CD247: variants seen among roughly 807,000 people sequenced by gnomAD.
CD247 encodes CD247 molecule, also known as T-cell surface glycoprotein CD3 zeta chain.
A neutral mutation model predicts 30.0 loss-of-function variants in CD247; 13 were observed. That is an observed-to-expected ratio of 0.43 (90% CI 0.28 to 0.69). CD247 has a LOEUF of 0.69. Among genes scored for constraint, CD247 ranks in the 30% least tolerant of loss-of-function variants. CD247 has a pLI of 0.16. For missense variants in CD247, 193 were observed against 212.6 expected (o/e 0.91, Z 0.57); for synonymous variants, 72 against 80.0 (o/e 0.90, Z 0.53).
At chr1:167,461,875 G>A (rs781197499) in intron 1 of CD247, among the ~76,000 whole-genome samples, 5 of 152,114 alleles carry the variant, frequency 3.3e-5, no homozygotes, top group African/African-American at 4.8e-5. Flanking sequence ...CATTTTTGAT[G>A]CCTTGTATTA....
In CD247 at chr1:167,431,654, C is replaced by A. The variant is rs1211477165; in HGVS notation, c.*27G>T. ...ATAATCTGGGCGTCTGCAGGTCTGG[C>A]CTTTGAGTGGTGAAATCCCCTGGCT... On this transcript the variant is annotated 3_prime_UTR_variant, in exon 8 of 8. Coordinates refer to ENST00000362089, the MANE Select transcript of CD247 (RefSeq NM_198053.3). 6.2e-7 allele frequency: 1 copy of A among 1,600,424 alleles called. No individual in the cohort carries two copies.
chr1:167,483,015 T>TCTTTCTTTCTTTCTTTCTTTCTTTC (rs201265842), intron 1 of CD247, among the ~76,000 whole-genome samples: 232 of 139,590 alleles, frequency 1.7e-3, no homozygotes, highest in South Asian at 2.7e-3. Flanking sequence ...TTTCTTTCTT[T>TCTTTCTTTCTTTCTTTCTTTCTTTC]TTTTTTTTTT....
chr1:167,466,211 T>C (rs7531148), intron 1 of CD247, among the ~76,000 whole-genome samples: 5,050 of 152,250 alleles, frequency 0.033, 288 homozygotes, highest in African/African-American at 0.12. Context: ...ATCTCAGTAT[T>C]ACTACCAATC....
intron 2 of CD247, chr1:167,440,037 C>G (rs1346093770): frequency 1.2e-5 from 2 of 165,134 alleles, no homozygotes; most frequent in Admixed American, 1.1e-4. Context: ...TCTAGGGCAG[C>G]ATTTTCAAAC....
At chr1:167,442,660 C>A (rs1215882885) in intron 1 of CD247, among the ~76,000 whole-genome samples, 2 of 152,148 alleles carry the variant, frequency 1.3e-5, no homozygotes, top group Non-Finnish European at 2.9e-5. Flanking sequence ...TCCATGCCAG[C>A]AACGTTTTGG....
intron 1 of CD247, among the ~76,000 whole-genome samples, chr1:167,516,373 G>C (rs1396321655): frequency 6.6e-6 from 1 of 152,230 alleles, no homozygotes; most frequent in African/African-American, 2.4e-5. Context: ...GGACAGACCA[G>C]GTCATCATTT....
At chr1:167,467,794 C>G (rs1384952671) in intron 1 of CD247, among the ~76,000 whole-genome samples, 1 of 152,202 alleles carries the variant, frequency 6.6e-6, no homozygotes, top group Non-Finnish European at 1.5e-5. Context: ...GGGCCTCCGT[C>G]TGGTCGGTTT....
At chr1:167,468,090 T>G (rs1653342367) in intron 1 of CD247, among the ~76,000 whole-genome samples, 1 of 152,152 alleles carries the variant, frequency 6.6e-6, no homozygotes, top group South Asian at 2.1e-4. Flanking sequence ...GACATATAAA[T>G]GCACATACAC....
chr1:167,454,405 CAAAT>C (rs1381127435), intron 1 of CD247, among the ~76,000 whole-genome samples: 2 of 152,142 alleles, frequency 1.3e-5, no homozygotes, highest in African/African-American at 4.8e-5. Flanking sequence ...AAAACAAAAA[CAAAT>C]AACATGAACC....
chr1:167,511,590 A>C (rs574793482), intron 1 of CD247, among the ~76,000 whole-genome samples: 1 of 152,356 alleles, frequency 6.6e-6, no homozygotes, highest in South Asian at 2.1e-4. Context: ...TCAGCAGAAA[A>C]TGTATATTAA....
chr1:167,496,407 C>A (rs771894450), intron 1 of CD247, among the ~76,000 whole-genome samples: 4 of 152,186 alleles, frequency 2.6e-5, no homozygotes, highest in Non-Finnish European at 4.4e-5. Context: ...ACACAAGAAT[C>A]ACTAGAGCCC....
intron 4 of CD247, among the ~76,000 whole-genome samples, chr1:167,438,323 G>A (rs1265660196): frequency 6.6e-6 from 1 of 152,196 alleles, no homozygotes. Flanking sequence ...AGGGGAAGTG[G>A]GTAGAGCTTA....
At chr1:167,502,564 GGTGTTATGGGTTGAACT>G (rs1654957144) in intron 1 of CD247, among the ~76,000 whole-genome samples, 1 of 152,152 alleles carries the variant, frequency 6.6e-6, no homozygotes, top group Non-Finnish European at 1.5e-5. Context: ...ACCGTTGGTA[GGTGTTATGGGTTGAACT>G]GTGTCCCCTC....
intron 1 of CD247, among the ~76,000 whole-genome samples, chr1:167,500,190 T>C (rs748469034): frequency 3.3e-5 from 5 of 152,250 alleles, no homozygotes; most frequent in Non-Finnish European, 7.3e-5. Flanking sequence ...GGACAATATA[T>C]CGCACTAAAA....
intron 1 of CD247, among the ~76,000 whole-genome samples, chr1:167,467,894 G>A (rs367597224): frequency 5.3e-4 from 81 of 152,218 alleles, no homozygotes; most frequent in African/African-American, 1.8e-3. Context: ...CATGAGAGGC[G>A]TATTACATGC....
chr1:167,490,268 TTTC>T (rs1463834186), intron 1 of CD247, among the ~76,000 whole-genome samples: 1 of 152,250 alleles, frequency 6.6e-6, no homozygotes, highest in Non-Finnish European at 1.5e-5. Flanking sequence ...TGACCTCATC[TTTC>T]TTAATTTTTC....
At chr1:167,478,701 G>A (rs1653853629) in intron 1 of CD247, among the ~76,000 whole-genome samples, 1 of 152,194 alleles carries the variant, frequency 6.6e-6, no homozygotes, top group South Asian at 2.1e-4. Flanking sequence ...AAAAGTTGTT[G>A]TGAGGAATAA....
chr1:167,459,870 C>T (rs1032635290), intron 1 of CD247: 4 of 152,100 alleles, frequency 2.6e-5, no homozygotes, highest in South Asian at 2.1e-4. Flanking sequence ...GGTCTGTCCC[C>T]GTTAAAAATT....
chr1:167,450,562 A>T (rs1388854499), intron 1 of CD247, among the ~76,000 whole-genome samples: 1 of 152,238 alleles, frequency 6.6e-6, no homozygotes, highest in Non-Finnish European at 1.5e-5. Context: ...TCCAAGAGAT[A>T]AATCAGCAAA....
Sources: gnomAD v4.1 joint callset for allele counts (sites outside exome capture counted in the v4.1 genomes callset) on GRCh38, gnomAD v4.1.1 for gene constraint, MANE v1.5 for transcripts, NCBI Gene and HGNC (gene_info 2026-07-23, HGNC 2026-07-21) for gene names.